FGF13: variants seen among roughly 807,000 people sequenced by gnomAD.
FGF13 encodes fibroblast growth factor homologous factor 2.
In FGF13, 2 loss-of-function variants were observed where a neutral mutation model predicts 19.5. The ratio of observed to expected loss-of-function variants is 0.10; its 90% confidence interval spans 0.04 to 0.32. FGF13 has a LOEUF of 0.32. Among genes scored for constraint, FGF13 ranks in the 10% least tolerant of loss-of-function variants. The pLI, the probability that FGF13 is intolerant of heterozygous loss-of-function variation, is 1.00. For synonymous variants in FGF13, 72 were observed against 76.9 expected (o/e 0.94, Z 0.33); for missense variants, 113 against 192.7 (o/e 0.59, Z 2.45).
chrX:138,690,134 T>C (rs2089824411), intron 3 of FGF13, among the ~76,000 whole-genome samples: 1 of 111,439 alleles, frequency 9.0e-6, no homozygotes, highest in South Asian at 3.8e-4. Flanking sequence ...TAACCACCCA[T>C]CTAATCACAG....
At chrX:139,077,854 G>A (rs886135697) in intron 1 of FGF13, among the ~76,000 whole-genome samples, 2 of 111,408 alleles carry the variant, frequency 1.8e-5, no homozygotes, top group Admixed American at 9.5e-5. Flanking sequence ...CAGGGCTATC[G>A]TGTTACCCAT....
At chrX:139,185,023 G>A (rs1339639138) in intron 1 of FGF13, among the ~76,000 whole-genome samples, 1 of 111,316 alleles carries the variant, frequency 9.0e-6, no homozygotes, top group African/African-American at 3.3e-5. Flanking sequence ...GATGAAACCA[G>A]ACCTGGAAAG....
At chrX:138,967,185 C>T (rs147899306) in intron 1 of FGF13, among the ~76,000 whole-genome samples, 2,026 of 108,935 alleles carry the variant, frequency 0.019, 52 homozygotes, top group African/African-American at 0.065. Flanking sequence ...CTGATATTTA[C>T]TATTTCATTT....
chrX:138,783,982 G>A (rs1309591664), intron 3 of FGF13, among the ~76,000 whole-genome samples: 4 of 101,566 alleles, frequency 3.9e-5, no homozygotes, highest in Admixed American at 1.1e-4. Context: ...ATACTATGCA[G>A]CCATAAAAAA....
chrX:139,063,810 GTATTA>G (rs970300138), intron 1 of FGF13, among the ~76,000 whole-genome samples: 5 of 111,442 alleles, frequency 4.5e-5, no homozygotes, highest in Non-Finnish European at 9.4e-5. Flanking sequence ...AAAAGAATTT[GTATTA>G]CCTTATTGTT....
intron 3 of FGF13, among the ~76,000 whole-genome samples, chrX:138,786,036 C>T (rs1219632652): frequency 8.9e-6 from 1 of 112,092 alleles, no homozygotes; most frequent in Non-Finnish European, 1.9e-5. Context: ...TTTTGTCAGT[C>T]GCTACTATTA....
intron 3 of FGF13, among the ~76,000 whole-genome samples, chrX:138,694,389 T>A (rs2089869756): frequency 9.0e-6 from 1 of 111,233 alleles, no homozygotes; most frequent in African/African-American, 3.3e-5. Context: ...CAGATCATAT[T>A]TTTTATGACA....
intron 1 of FGF13, among the ~76,000 whole-genome samples, chrX:138,718,639 C>A (rs1330618503): frequency 9.0e-6 from 1 of 111,289 alleles, no homozygotes; most frequent in Non-Finnish European, 1.9e-5. Flanking sequence ...TTTAGTGTTC[C>A]CTCAGGATTA....
intron 1 of FGF13, among the ~76,000 whole-genome samples, chrX:138,727,321 C>G (rs1461614325): frequency 9.1e-6 from 1 of 109,931 alleles, no homozygotes; most frequent in Non-Finnish European, 1.9e-5. Flanking sequence ...TGAAGCCCCC[C>G]CTGCTGCTAG....
At chrX:138,650,409 C>T (rs1019720588) in intron 3 of FGF13, among the ~76,000 whole-genome samples, 8 of 111,578 alleles carry the variant, frequency 7.2e-5, no homozygotes, top group African/African-American at 2.6e-4. Flanking sequence ...AACCTAAAAC[C>T]AGATCTTTCA....
At chrX:138,886,015 C>T (rs950482969) in intron 1 of FGF13, among the ~76,000 whole-genome samples, 3 of 111,540 alleles carry the variant, frequency 2.7e-5, no homozygotes, top group African/African-American at 9.8e-5. Flanking sequence ...ATTCCCACTT[C>T]GTATTTTCAA....
chrX:138,778,756 G>A (rs1602835144), intron 3 of FGF13, among the ~76,000 whole-genome samples: 1 of 112,550 alleles, frequency 8.9e-6, no homozygotes, highest in East Asian at 2.8e-4. Flanking sequence ...GCCCGCCATT[G>A]CCCAGGCTTG....
intron 1 of FGF13, among the ~76,000 whole-genome samples, chrX:138,955,587 G>A (rs142868649): frequency 0.028 from 3,141 of 111,893 alleles, 123 homozygotes; most frequent in African/African-American, 0.096. Flanking sequence ...ATTCATGTCC[G>A]ACAGGATACA....
intron 1 of FGF13, among the ~76,000 whole-genome samples, chrX:139,052,396 TC>T (rs1470308479): frequency 8.9e-6 from 1 of 112,398 alleles, no homozygotes; most frequent in Middle Eastern, 4.6e-3. Context: ...GTCACTGCAG[TC>T]TTTTTTACAT....
chrX:139,045,425 T>C (rs986794142), intron 1 of FGF13, among the ~76,000 whole-genome samples: 4 of 112,685 alleles, frequency 3.5e-5, no homozygotes, highest in South Asian at 7.4e-4. Flanking sequence ...CTTTTAGTTA[T>C]GCAAATACCT....
At chrX:138,816,544 A>G (rs2090962831) in intron 3 of FGF13, among the ~76,000 whole-genome samples, 1 of 112,680 alleles carries the variant, frequency 8.9e-6, no homozygotes, top group Non-Finnish European at 1.9e-5. Context: ...TTGTAATTGC[A>G]AAAAATAGGA....
chrX:138,738,178 C>G (rs752501057), intron 1 of FGF13, among the ~76,000 whole-genome samples: 3 of 111,746 alleles, frequency 2.7e-5, no homozygotes, highest in Non-Finnish European at 5.6e-5. Flanking sequence ...CAGTTAATTA[C>G]ATGAATAAAC....
At chrX:139,072,220 T>A (rs2092378969) in intron 1 of FGF13, among the ~76,000 whole-genome samples, 1 of 107,753 alleles carries the variant, frequency 9.3e-6, no homozygotes, top group Non-Finnish European at 1.9e-5. Context: ...AGCACTGGTG[T>A]CCTTATAAGA....
chrX:139,119,058 T>C (rs76646021), intron 1 of FGF13, among the ~76,000 whole-genome samples: 7,392 of 110,443 alleles, frequency 0.067, 224 homozygotes, highest in East Asian at 0.13. Context: ...AAAAATTAGC[T>C]GAGCATGCTG....
Sources: allele counts gnomAD v4.1 joint callset (sites outside exome capture counted in the v4.1 genomes callset), GRCh38; gene constraint gnomAD v4.1.1; transcripts MANE v1.5; gene names NCBI Gene and HGNC (gene_info 2026-07-23, HGNC 2026-07-21).